Variants in ACO1 observed in about 807,000 individuals in gnomAD.
ACO1 encodes the protein cytoplasmic aconitate hydratase.
Under a neutral mutation model 105.1 loss-of-function variants are expected in ACO1, and 78 were observed. That is an observed-to-expected ratio of 0.74 (90% CI 0.62 to 0.90). ACO1 has a LOEUF of 0.90. ACO1 is among the 40% of genes least tolerant of loss of function. The pLI, the probability that ACO1 is intolerant of heterozygous loss-of-function variation, is 0.00. For missense variants in ACO1, 965 were observed against 1,111.1 expected (o/e 0.87, Z 1.87); for synonymous variants, 364 against 397.4 (o/e 0.92, Z 1.00).
intron 4 of ACO1, among the ~76,000 whole-genome samples, chr9:32,409,297 G>A (rs1821683111): frequency 6.6e-6 from 1 of 152,212 alleles, no homozygotes; most frequent in African/African-American, 2.4e-5. Context: ...CACTTGAGTT[G>A]ACTTGGTAAG....
chr9:32,405,182 C>T (rs4495514), intron 1 of ACO1, among the ~76,000 whole-genome samples: 3,946 of 152,260 alleles, frequency 0.026, 167 homozygotes, highest in African/African-American at 0.091. Context: ...CGCCCGTTAC[C>T]GGTACCTGTG....
chr9:32,435,170 A>G (rs1201795749), intron 17 of ACO1, among the ~76,000 whole-genome samples: 2 of 152,204 alleles, frequency 1.3e-5, no homozygotes, highest in African/African-American at 4.8e-5. Flanking sequence ...AGTATTATCA[A>G]CTACTGTCTC....
chr9:32,436,509 C>G, intron 18 of ACO1, 112 bp downstream of exon 18: 1 of 1,198,614 alleles, frequency 8.3e-7, no homozygotes, highest in South Asian at 1.3e-5. Context: ...CAGCTCCATC[C>G]TACCCTAACT....
intron 18 of ACO1, among the ~76,000 whole-genome samples, chr9:32,437,341 G>T (rs955827565): frequency 1.3e-5 from 2 of 152,204 alleles, no homozygotes; most frequent in African/African-American, 4.8e-5. Flanking sequence ...TGGCTCTGAA[G>T]TCAGTGCCCT....
intron 2 of ACO1, among the ~76,000 whole-genome samples, chr9:32,406,122 T>C (rs1821603706): frequency 6.6e-6 from 1 of 152,192 alleles, no homozygotes. Context: ...TATGAATTAA[T>C]ATTGTTTTAT....
Position 32,453,669 on chromosome 9 carries a change from T to G in ACO1, c.*3558T>G, listed in dbSNP as rs576014636. 6 of 152,354 alleles carry G rather than the reference T, an allele frequency of 3.9e-5. No homozygotes were observed. Among genetic ancestry groups the G allele is most frequent in the African/African-American group, 1.4e-4 (6 of 41,592 alleles). The allele number at this position is 152,354 out of a possible 1,614,324, so 9.4% of individuals were successfully genotyped here. The stretch of plus-strand genomic sequence containing the variant: ...CTAGTCACCTAAATGAAGAACCTTA[T>G]TTTTAGCAGTTTCCCTTTCAGGGCT... On this transcript the variant is annotated 3_prime_UTR_variant, in exon 21 of 21. Transcript: ENST00000309951.
At chr9:32,414,763 G>A (rs1821812988) in intron 4 of ACO1, among the ~76,000 whole-genome samples, 1 of 152,074 alleles carries the variant, frequency 6.6e-6, no homozygotes, top group African/African-American at 2.4e-5. Flanking sequence ...GGCCACATGT[G>A]GTTATAATCT....
intron 8 of ACO1, among the ~76,000 whole-genome samples, chr9:32,421,719 G>A (rs1030319293): frequency 1.3e-5 from 2 of 152,040 alleles, no homozygotes; most frequent in East Asian, 1.9e-4. Context: ...GCACCACTGC[G>A]CTCCAGCCTA....
intron 20 of ACO1, 113 bp downstream of exon 20, chr9:32,449,194 A>G: frequency 2.0e-6 from 2 of 1,023,700 alleles, no homozygotes; most frequent in South Asian, 1.7e-5. Context: ...ATCACTCAGG[A>G]GGACTGCATT....
chr9:32,416,207 G>A (rs761919027), intron 4 of ACO1, among the ~76,000 whole-genome samples: 24 of 150,868 alleles, frequency 1.6e-4, no homozygotes, highest in Admixed American at 3.3e-4. Context: ...TGATTCTCCT[G>A]CCTCAGCCTC....
Position 32,453,219 on chromosome 9 carries a change from T to C in ACO1, c.*3108T>C, listed in dbSNP as rs1473754655. The C allele has an allele frequency of 1.3e-5, 2 of 152,260 alleles. No individual in the cohort carries two copies. The highest frequency in any genetic ancestry group is 1.9e-4 in the East Asian group (1 of 5,188). The allele number at this position is 152,260 out of a possible 1,614,324, so 9.4% of individuals were successfully genotyped here. A position where few individuals can be genotyped will look rare whatever the true frequency, so the allele number is the denominator to read the frequency against. The stretch of plus-strand genomic sequence containing the variant: ...TAAGAGTTAGTTAATATTTTTAATA[T>C]AGCAAATAAGGATGAGGGATGCCCT... On this transcript the variant is annotated 3_prime_UTR_variant, in exon 21 of 21. Transcript: ENST00000309951.
chr9:32,385,651 C>T (rs1587503807), intron 1 of ACO1, among the ~76,000 whole-genome samples: 1 of 152,122 alleles, frequency 6.6e-6, no homozygotes, highest in East Asian at 1.9e-4. Context: ...TGATGTCAAG[C>T]GTAATTGAAG....
chr9:32,408,634 G>C lies in ACO1; in HGVS notation c.387G>C (p.Gln129His), dbSNP rs202186814. The C allele has an allele frequency of 1.2e-6, 2 of 1,614,012 alleles. No homozygotes were observed. The highest frequency in any genetic ancestry group is 4.5e-5 in the East Asian group (2 of 44,872). Reference protein sequence around the residue: ...PADLVIDHSIQVDFNRRADSL... With the variant: ...PADLVIDHSIHVDFNRRADSL... ...ATCTTGTAATAGATCATTCCATCCA[G>C]GTTGATTTCAACAGAAGGTGAGAGA... Residue 129 changes from glutamine (Q) to histidine (H), a missense_variant, in exon 4 of 21, where the codon CAG becomes CAC. Transcript: ENST00000309951.
rs1822758167 is a variant in ACO1, at chr9:32,451,077, C to CAT, written c.*968_*969dup. 6.6e-6 allele frequency: 1 copy of CAT among 151,582 alleles called. No homozygotes were observed. Among genetic ancestry groups the CAT allele is most frequent in the African/African-American group, 2.4e-5 (1 of 41,030 alleles). The allele number at this position is 151,582 out of a possible 1,614,324, so 9.4% of individuals were successfully genotyped here. A position where few individuals can be genotyped will look rare whatever the true frequency, so the allele number is the denominator to read the frequency against. ...GGTGGCAGTGGCAACGATATAAGTA[C>CAT]ATAAGGAAAAGCAGATAAACTTCAG... On this transcript the variant is annotated 3_prime_UTR_variant, in exon 21 of 21. Coordinates refer to ENST00000309951, the MANE Select transcript of ACO1 (RefSeq NM_002197.3).
intron 4 of ACO1, 114 bp downstream of exon 4, chr9:32,408,765 C>G: frequency 7.9e-7 from 1 of 1,272,308 alleles, no homozygotes; most frequent in East Asian, 2.5e-5. Context: ...AAGATATCTT[C>G]TGAAAAACTT....
intron 1 of ACO1, among the ~76,000 whole-genome samples, chr9:32,401,559 T>C (rs1370585743): frequency 6.6e-6 from 1 of 152,128 alleles, no homozygotes; most frequent in Non-Finnish European, 1.5e-5. Context: ...AAGGTCAAGG[T>C]GTCCCTAGGG....
rs1563947059 is a variant in ACO1 at position 32,440,496 on chromosome 9, A to T, written c.2279A>T (p.Gln760Leu). 2.5e-6 allele frequency: 4 copies of T among 1,613,860 alleles called. No individual in the cohort carries two copies. Among genetic ancestry groups the T allele is most frequent in the Non-Finnish European group, 3.4e-6 (4 of 1,179,950 alleles). The change falls in exon 19 of 21, where the codon CAG becomes CTG. Residue 760 changes from glutamine (Q) to leucine (L), a missense_variant. Gln to Leu is a moderately radical substitution (Grantham distance 113). Transcript: ENST00000309951. ...GTGTTTGATGCTGCTGAGCGGTACC[A>T]GCAGGCAGGCCTTCCCCTGATCGTT... Reference protein sequence around the residue: ...LDVFDAAERYQQAGLPLIVLA... With the variant: ...LDVFDAAERYLQAGLPLIVLA...
At position 32,450,155 on chromosome 9, in the gene ACO1, C is replaced by A; in HGVS notation, c.*44C>A. 1 of 1,505,642 alleles carries A rather than the reference C, an allele frequency of 6.6e-7. No individual in the cohort carries two copies. Among genetic ancestry groups the A allele is most frequent in the Non-Finnish European group, 9.2e-7 (1 of 1,083,024 alleles). The allele number at this position is 1,505,642 out of a possible 1,614,324, so 93.3% of individuals were successfully genotyped here. On this transcript the variant is annotated 3_prime_UTR_variant, in exon 21 of 21. Transcript: ENST00000309951. ...TGCGCCCAGGGAGGAAGCCGCACCA[C>A]CAGCCAGCGCAGGCCCTGGTGGAGA...
At chr9:32,449,745 C>G (rs1822714022) in intron 20 of ACO1, among the ~76,000 whole-genome samples, 1 of 152,166 alleles carries the variant, frequency 6.6e-6, no homozygotes, top group Non-Finnish European at 1.5e-5. Context: ...TTAGATGGCT[C>G]TCACCCCCAT....
Sources: allele counts gnomAD v4.1 joint callset (sites outside exome capture counted in the v4.1 genomes callset), GRCh38; gene constraint gnomAD v4.1.1; transcripts MANE v1.5; gene names NCBI Gene and HGNC (gene_info 2026-07-23, HGNC 2026-07-21).